Variants in CLDN14 observed in about 807,000 individuals in gnomAD.
The protein encoded by CLDN14 is claudin-14.
CLDN14 carries 2 observed loss-of-function variants against 2.1 expected under a neutral mutation model. That is an observed-to-expected ratio of 0.96 (90% CI 0.39 to 3.01). The LOEUF is 3.01. CLDN14 is among the 30% of genes most tolerant of loss of function. The pLI, the probability that CLDN14 is intolerant of heterozygous loss-of-function variation, is 0.09. For synonymous variants in CLDN14, 136 were observed against 154.4 expected (o/e 0.88, Z 0.88); for missense variants, 298 against 328.0 (o/e 0.91, Z 0.71).
chr21:36,528,628 G>A (rs540914430), intron 1 of CLDN14, among the ~76,000 whole-genome samples: 37 of 152,322 alleles, frequency 2.4e-4, no homozygotes, highest in African/African-American at 8.9e-4. Flanking sequence ...AGATATTGGG[G>A]TATGTGGGTC....
At chr21:36,463,152 T>C (rs1009584145) in intron 1 of CLDN14, among the ~76,000 whole-genome samples, 2 of 152,184 alleles carry the variant, frequency 1.3e-5, no homozygotes, top group African/African-American at 2.4e-5. Flanking sequence ...AGACCGGGCA[T>C]TAGCAGCGAG....
chr21:36,468,791 G>A (rs565491593), intron 1 of CLDN14, among the ~76,000 whole-genome samples: 13 of 145,752 alleles, frequency 8.9e-5, no homozygotes, highest in Non-Finnish European at 1.5e-4. Context: ...ACAGAATCTC[G>A]CTCTGTCACC....
intron 1 of CLDN14, among the ~76,000 whole-genome samples, chr21:36,553,365 A>C (rs2087576176): frequency 6.6e-6 from 1 of 152,160 alleles, no homozygotes; most frequent in African/African-American, 2.4e-5. Context: ...GCTGCTCAGC[A>C]AGGCAGTGAT....
At chr21:36,500,817 G>A (rs1020620499) in intron 2 of CLDN14, among the ~76,000 whole-genome samples, 6 of 152,164 alleles carry the variant, frequency 3.9e-5, no homozygotes, top group Non-Finnish European at 8.8e-5. Flanking sequence ...GGAAGTTGCC[G>A]ATTCTTTCTC....
At chr21:36,481,319 C>T (rs190213282), upstream of CLDN14, among the ~76,000 whole-genome samples, 4 of 152,288 alleles carry the variant, frequency 2.6e-5, no homozygotes, top group African/African-American at 7.2e-5. Context: ...ATAGAATCAT[C>T]GCCTTTGCTG....
rs2146408988 is a variant in CLDN14, at chr21:36,460,897, C to T, written c.*79G>A. 4 of 1,525,638 alleles carry T rather than the reference C, an allele frequency of 2.6e-6. No individual in the cohort carries two copies. The highest frequency in any genetic ancestry group is 3.6e-6 in the Non-Finnish European group (4 of 1,122,544). The allele number at this position is 1,525,638 out of a possible 1,614,324, so 94.5% of individuals were successfully genotyped here. On this transcript the variant is annotated 3_prime_UTR_variant, in exon 2 of 2. Coordinates refer to ENST00000399135, the MANE Select transcript of CLDN14 (RefSeq NM_001146079.2). The surrounding 1 kb of genome is among the most constrained non-coding windows in gnomAD (Gnocchi z 4.0). ...AAATTGCCCAGAAGTAAACTTTGTG[C>T]TGGAACCCCTGCCTCCATTGACAGT...
rs1230604696 is a variant in CLDN14, at chr21:36,523,765, AAGAAAGAG to A, written c.-219-13273_-219-13266del. ...TCCATCTAAAAAAAAAAAAAAAAGA[AAGAAAGAG>A]AGAAAGAGAGAAAGAAAGAAAGAAA... On this transcript the variant is annotated intron_variant, in intron 1 of 2. Transcript: ENST00000342108. Among the ~76,000 whole-genome samples the A allele has an allele frequency of 2.1e-4, 6 of 28,168 alleles. 1 individual carries two copies. The highest frequency in any genetic ancestry group is 5.3e-4 in the Admixed American group (2 of 3,778). 18.5% of individuals were successfully genotyped at this position (28,168 alleles called of 152,430 possible).
chr21:36,541,980 C>T lies in CLDN14; in HGVS notation c.-219-31480G>A, dbSNP rs142932227. On this transcript the variant is annotated intron_variant, in intron 1 of 2. Coordinates refer to the CLDN14 transcript ENST00000342108. ...GTAGACTTTCTTTTACTTTTGCAGC[C>T]AGAGTCTCCCTCTGTCGCCCAGGCT... Among the ~76,000 whole-genome samples the T allele has an allele frequency of 1.1e-3, 163 of 152,210 alleles. 1 individual carries two copies. Among genetic ancestry groups the T allele is most frequent in the African/African-American group, 3.8e-3 (158 of 41,522 alleles).
intron 1 of CLDN14, among the ~76,000 whole-genome samples, chr21:36,549,873 G>T (rs1268602425): frequency 6.6e-6 from 1 of 152,172 alleles, no homozygotes; most frequent in Non-Finnish European, 1.5e-5. Flanking sequence ...TCCCACCCCT[G>T]TCATGCCTGA....
intron 2 of CLDN14, among the ~76,000 whole-genome samples, chr21:36,504,279 GA>G (rs2087113279): frequency 6.6e-6 from 1 of 151,956 alleles, no homozygotes; most frequent in African/African-American, 2.4e-5. Context: ...GTTTGAGGCT[GA>G]AGAGAGTTAT....
chr21:36,531,127 C>T (rs371424400), intron 1 of CLDN14, among the ~76,000 whole-genome samples: 42 of 151,878 alleles, frequency 2.8e-4, no homozygotes, highest in African/African-American at 1.0e-3. Context: ...ACTCAGGAGG[C>T]CGAGGCAGGA....
intron 1 of CLDN14, among the ~76,000 whole-genome samples, chr21:36,575,384 A>G (rs1407143407): frequency 6.6e-6 from 1 of 152,212 alleles, no homozygotes; most frequent in Non-Finnish European, 1.5e-5. Context: ...CAATTCTCCT[A>G]AGAGGTAGGA....
chr21:36,567,664 G>T (rs537003093), intron 1 of CLDN14, among the ~76,000 whole-genome samples: 1 of 152,144 alleles, frequency 6.6e-6, no homozygotes, highest in African/African-American at 2.4e-5. Flanking sequence ...GGTTGCTCTC[G>T]TCTCTAGACC....
chr21:36,566,849 T>C (rs1287627296), intron 1 of CLDN14, among the ~76,000 whole-genome samples: 7 of 152,124 alleles, frequency 4.6e-5, no homozygotes, highest in Admixed American at 2.6e-4. Context: ...GATTGCTGGG[T>C]TCAGGACCAT....
intron 1 of CLDN14, among the ~76,000 whole-genome samples, chr21:36,543,715 G>A (rs1487046821): frequency 2.0e-5 from 3 of 151,794 alleles, no homozygotes; most frequent in Non-Finnish European, 4.4e-5. Context: ...GCGGAGCTGC[G>A]ACTTGAACCC....
At chr21:36,540,134 GTGT>G (rs913016824) in intron 1 of CLDN14, among the ~76,000 whole-genome samples, 2 of 151,782 alleles carry the variant, frequency 1.3e-5, no homozygotes, top group Non-Finnish European at 2.9e-5. Flanking sequence ...TGGTGTGTGT[GTGT>G]TTATACAGTC....
At chr21:36,475,760 A>T (rs886100538) in intron 1 of CLDN14, among the ~76,000 whole-genome samples, 1 of 151,516 alleles carries the variant, frequency 6.6e-6, no homozygotes, top group African/African-American at 2.4e-5. Context: ...ATTTTATTTT[A>T]TTTTTTTGAG....
chr21:36,548,824 C>A (rs73206261), intron 1 of CLDN14, among the ~76,000 whole-genome samples: 6 of 152,184 alleles, frequency 3.9e-5, no homozygotes, highest in Admixed American at 2.6e-4. Flanking sequence ...CCCTTCCACA[C>A]TGACCCATGA....
At chr21:36,548,179 C>G (rs113353316) in intron 1 of CLDN14, among the ~76,000 whole-genome samples, 2,219 of 152,084 alleles carry the variant, frequency 0.015, 20 homozygotes, top group Non-Finnish European at 0.022. Flanking sequence ...AGGAAGCCCC[C>G]CTTCCTCCAC....
Sources: gnomAD v4.1 joint callset for allele counts (sites outside exome capture counted in the v4.1 genomes callset) on GRCh38, gnomAD v4.1.1 for gene constraint, Gnocchi (gnomAD v3.1) non-coding constraint, MANE v1.5 for transcripts, NCBI Gene and HGNC (gene_info 2026-07-23, HGNC 2026-07-21) for gene names.